DOCK10: variants seen among roughly 807,000 people sequenced by gnomAD.
DOCK10 encodes the protein dedicator of cytokinesis 10.
Under a neutral mutation model 280.1 loss-of-function variants are expected in DOCK10, and 145 were observed. That is an observed-to-expected ratio of 0.52 (90% CI 0.45 to 0.59). The LOEUF (loss-of-function observed/expected upper bound fraction) is 0.59, where lower values mean the gene tolerates loss of function less well. Among genes scored for constraint, DOCK10 ranks in the 20% least tolerant of loss-of-function variants. The pLI, the probability that DOCK10 is intolerant of heterozygous loss-of-function variation, is 0.00. For missense variants in DOCK10, 2,368 were observed against 2,651.7 expected, an observed-to-expected ratio of 0.89 and a Z score of 2.35; for synonymous variants, 915 against 942.2, an observed-to-expected ratio of 0.97 and a Z score of 0.53.
chr2:224,817,474 T>C (rs1013125444), intron 29 of DOCK10, among the ~76,000 whole-genome samples: 2 of 152,232 alleles, frequency 1.3e-5, no homozygotes, highest in Non-Finnish European at 2.9e-5. Context: ...TACTCAGATA[T>C]TTTAGAATTA....
At chr2:224,830,441 T>C in intron 27 of DOCK10, 100 bp downstream of exon 27, 3 of 633,738 alleles carry the variant, frequency 4.7e-6, no homozygotes, top group Non-Finnish European at 7.3e-6. Context: ...CTAAGGTTTA[T>C]AAAGCAAATA....
At chr2:224,910,816 T>C (rs1016734703) in intron 3 of DOCK10, among the ~76,000 whole-genome samples, 13 of 152,306 alleles carry the variant, frequency 8.5e-5, no homozygotes, top group Non-Finnish European at 1.3e-4. Flanking sequence ...AAGCAGGGCT[T>C]ATCTTCTTCC....
At chr2:224,958,054 C>T (rs1704154714) in intron 1 of DOCK10, among the ~76,000 whole-genome samples, 1 of 152,170 alleles carries the variant, frequency 6.6e-6, no homozygotes, top group African/African-American at 2.4e-5. Context: ...GGGTGACTTC[C>T]CTAACCTCTC....
At chr2:224,828,509 A>G (rs909350380) in intron 27 of DOCK10, among the ~76,000 whole-genome samples, 2 of 152,192 alleles carry the variant, frequency 1.3e-5, no homozygotes, top group Non-Finnish European at 2.9e-5. Context: ...TGGAAGATCC[A>G]CCAGTGTATC....
At chr2:224,801,840 T>C in intron 40 of DOCK10, 76 bp downstream of exon 40, 1 of 1,461,066 alleles carries the variant, frequency 6.8e-7, no homozygotes, top group African/African-American at 1.4e-5. Context: ...ACTGTGGTTT[T>C]AGTGCATTTC....
intron 40 of DOCK10, among the ~76,000 whole-genome samples, 199 bp downstream of exon 40, chr2:224,801,717 G>C (rs1333571373): frequency 6.6e-6 from 1 of 152,052 alleles, no homozygotes; most frequent in Non-Finnish European, 1.5e-5. Flanking sequence ...ATATGATATT[G>C]AGGGTTTTGC....
chr2:224,837,942 T>C (rs973997549), intron 24 of DOCK10, 111 bp from the exon 25 acceptor site: 7 of 800,724 alleles, frequency 8.7e-6, no homozygotes, highest in Admixed American at 2.0e-5. Flanking sequence ...ACTGGGTGAA[T>C]GAATGAACCA....
chr2:224,843,652 C>G (rs1248182585), intron 22 of DOCK10, among the ~76,000 whole-genome samples: 1 of 151,420 alleles, frequency 6.6e-6, no homozygotes, highest in Non-Finnish European at 1.5e-5. Context: ...CAGCATGAAG[C>G]AAAAAATGAA....
chr2:224,806,502 G>C (rs1189987169), intron 33 of DOCK10, among the ~76,000 whole-genome samples: 1 of 152,026 alleles, frequency 6.6e-6, no homozygotes, highest in Non-Finnish European at 1.5e-5. Context: ...TGGCTGGATT[G>C]GTTATTGATA....
chr2:224,997,217 C>T (rs868772219), intron 1 of DOCK10, among the ~76,000 whole-genome samples: 5 of 146,648 alleles, frequency 3.4e-5, no homozygotes, highest in Non-Finnish European at 7.5e-5. Flanking sequence ...TTCCCTCCCT[C>T]CCTTCCTTCC....
chr2:224,899,745 TC>T (rs1383305409), intron 3 of DOCK10, among the ~76,000 whole-genome samples: 2 of 151,888 alleles, frequency 1.3e-5, no homozygotes, highest in Non-Finnish European at 2.9e-5. Context: ...CCTCCTACTC[TC>T]CCCCTATACC....
chr2:224,793,574 T>G, intron 45 of DOCK10, 117 bp from the exon 46 acceptor site: 1 of 664,570 alleles, frequency 1.5e-6, no homozygotes, highest in Non-Finnish European at 2.4e-6. Flanking sequence ...TCCTTTGTAA[T>G]CACCAAATTG....
chr2:224,796,305 G>A lies in DOCK10; in HGVS notation c.4938+11C>T. 2 of 1,506,500 alleles carry A rather than the reference G, an allele frequency of 1.3e-6. No homozygotes were observed. Among genetic ancestry groups the A allele is most frequent in the Non-Finnish European group, 1.8e-6 (2 of 1,106,004 alleles). The allele number at this position is 1,506,500 out of a possible 1,614,324, so 93.3% of individuals were successfully genotyped here. ...AAATTCTGCAGTAAAAGCCCACAAA[G>A]CATTTCTTACTTTCATTTGCTTATC... On this transcript the variant is annotated intron_variant, in intron 44 of 55. Coordinates refer to ENST00000258390, the MANE Select transcript of DOCK10 (RefSeq NM_014689.3).
chr2:224,823,553 T>G lies in DOCK10; in HGVS notation c.3131A>C (p.Asp1044Ala). 1 of 1,609,670 alleles carries G rather than the reference T, an allele frequency of 6.2e-7. No homozygotes were observed. Among genetic ancestry groups the G allele is most frequent in the Non-Finnish European group, 8.5e-7 (1 of 1,178,718 alleles). The change falls in exon 28 of 56, where the codon GAT becomes GCT. Residue 1044 changes from aspartate to alanine, a missense_variant. This residue lies in a region of DOCK10 where 1,159 missense variants were observed against 1,400.8 expected (regional missense o/e 0.83). Transcript: ENST00000258390. ...LSDHVIWKYK[D>A]ALEETRRANH... ...TGCCCTTCTTGTTTCTTCAAGTGCA[T>G]CCTTGTATTTCCAAATCACATGGTC... is the stretch of plus-strand genomic sequence containing the variant.
intron 3 of DOCK10, among the ~76,000 whole-genome samples, chr2:224,904,623 T>A (rs754312739): frequency 3.3e-5 from 5 of 152,166 alleles, no homozygotes; most frequent in Admixed American, 2.0e-4. Flanking sequence ...AAAACAGCAT[T>A]CATTTTTACT....
At chr2:224,870,945 G>A (rs1029018704) in intron 11 of DOCK10, among the ~76,000 whole-genome samples, 1 of 148,200 alleles carries the variant, frequency 6.7e-6, no homozygotes, top group African/African-American at 2.5e-5. Context: ...TTCTGCCTCA[G>A]CCTCCTAAGT....
At chr2:224,927,327 A>G (rs951497200) in intron 2 of DOCK10, among the ~76,000 whole-genome samples, 1 of 152,222 alleles carries the variant, frequency 6.6e-6, no homozygotes, top group African/African-American at 2.4e-5. Context: ...CTCTTAAGGC[A>G]ATGGGAAGCC....
intron 25 of DOCK10, among the ~76,000 whole-genome samples, chr2:224,835,171 A>G (rs1287938639): frequency 6.6e-6 from 1 of 152,266 alleles, no homozygotes; most frequent in Non-Finnish European, 1.5e-5. Flanking sequence ...AAGGAGAAAG[A>G]TGAAGTTAAT....
chr2:225,041,860 A>C (rs1406739136), intron 1 of DOCK10, among the ~76,000 whole-genome samples: 1 of 152,148 alleles, frequency 6.6e-6, no homozygotes, highest in Non-Finnish European at 1.5e-5. Context: ...CTCCGGACTC[A>C]GGGGTTCTGT....
Sources: allele counts gnomAD v4.1 joint callset (sites outside exome capture counted in the v4.1 genomes callset), GRCh38; gene constraint gnomAD v4.1.1; regional missense constraint gnomAD v4.1.1; transcripts MANE v1.5; gene names NCBI Gene and HGNC (gene_info 2026-07-23, HGNC 2026-07-21).